ZSWIM6: variants seen among roughly 807,000 people sequenced by gnomAD.
ZSWIM6 encodes the protein zinc finger SWIM-type containing 6, also known as zinc finger SWIM domain-containing protein 6.
In ZSWIM6, 9 loss-of-function variants were observed where a neutral mutation model predicts 113.2. The ratio of observed to expected loss-of-function variants is 0.08; its 90% CI spans 0.05 to 0.14. The LOEUF (loss-of-function observed/expected upper bound fraction) is 0.14, where lower values mean the gene tolerates loss of function less well. ZSWIM6 is among the 10% of genes least tolerant of loss of function. The pLI is 1.00. For missense variants in ZSWIM6, 1,162 were observed against 1,552.2 expected (o/e 0.75, Z 4.22); for synonymous variants, 611 against 606.5 (o/e 1.01, Z -0.11).
In ZSWIM6 at chr5:61,543,844, C is replaced by T; in HGVS notation, c.3175C>T (p.Leu1059=). The T allele has an allele frequency of 6.4e-7, 1 of 1,551,932 alleles. No homozygotes were observed. Among genetic ancestry groups the T allele is most frequent in the Non-Finnish European group, 8.7e-7 (1 of 1,147,026 alleles). ...CACCCTGGCCATGACCCATCTCAAC[C>T]TGAGCTACAATCAGGACACACACCC... ...LATLAMTHLN[L]SYNQDTHPAI... Residue 1059 remains leucine (L), a synonymous_variant, in exon 14 of 14, where the codon CTG becomes TTG. Transcript: ENST00000252744. This position sits in a 1 kb window ranked among gnomAD's most constrained non-coding sequence, Gnocchi z 4.3.
Position 61,332,806 on chromosome 5 carries a change from C to CACCTCG in ZSWIM6, c.534_535insACCTCG (p.Ala178_Ala179insThrSer). 1.1e-6 allele frequency: 1 copy of CACCTCG among 921,196 alleles called. No homozygotes were observed. Among genetic ancestry groups the CACCTCG allele is most frequent in the Non-Finnish European group, 1.3e-6 (1 of 778,086 alleles). 57.1% of individuals were successfully genotyped at this position (921,196 alleles called of 1,614,324 possible). A position where few individuals can be genotyped will look rare whatever the true frequency, so the allele number is the denominator to read the frequency against. On this transcript the variant is annotated inframe_insertion, in exon 1 of 14. Coordinates refer to ENST00000252744, the MANE Select transcript of ZSWIM6 (RefSeq NM_020928.2). Reference sequence around the variant, plus strand: ...CCGCCGCCGCTGCCGCCGCCGCCGCCGCCGCCGCCGCCGCCGCGGGGGCCG... The same window carrying CACCTCG: ...CCGCCGCCGCTGCCGCCGCCGCCGCCACCTCGGCCGCCGCCGCCGCCGCGGGGGCCG...
chr5:61,462,555 C>A (rs1490532183), intron 1 of ZSWIM6, among the ~76,000 whole-genome samples: 7 of 152,158 alleles, frequency 4.6e-5, no homozygotes, highest in African/African-American at 1.7e-4. Context: ...AACAACAAAC[C>A]ATAGTCCATT....
chr5:61,404,921 A>T (rs1404573625), intron 1 of ZSWIM6, among the ~76,000 whole-genome samples: 4 of 152,156 alleles, frequency 2.6e-5, no homozygotes, highest in Non-Finnish European at 5.9e-5. Flanking sequence ...ATGCCCAGTT[A>T]GATTTGAGAA....
chr5:61,471,633 G>T (rs914209849), intron 1 of ZSWIM6, among the ~76,000 whole-genome samples: 2 of 152,210 alleles, frequency 1.3e-5, no homozygotes, highest in African/African-American at 4.8e-5. Flanking sequence ...AGTGGCATTA[G>T]ATTCTCATAG....
At chr5:61,513,276 C>A (rs13170519) in intron 4 of ZSWIM6, among the ~76,000 whole-genome samples, 1 of 151,858 alleles carries the variant, frequency 6.6e-6, no homozygotes, top group East Asian at 1.9e-4. Context: ...TAAGTTTCCT[C>A]TATGTGTTTT....
intron 1 of ZSWIM6, among the ~76,000 whole-genome samples, chr5:61,459,255 T>G (rs1747272600): frequency 6.6e-6 from 1 of 152,214 alleles, no homozygotes; most frequent in Non-Finnish European, 1.5e-5. Flanking sequence ...AAAGGAAAAT[T>G]GTAGTTAGAT....
At chr5:61,484,603 G>A (rs1747966638) in intron 2 of ZSWIM6, among the ~76,000 whole-genome samples, 1 of 152,190 alleles carries the variant, frequency 6.6e-6, no homozygotes, top group Non-Finnish European at 1.5e-5. Flanking sequence ...ATATGTGTCT[G>A]TAGAATCAAA....
intron 1 of ZSWIM6, among the ~76,000 whole-genome samples, chr5:61,428,487 C>T (rs1043211457): frequency 6.6e-6 from 1 of 152,050 alleles, no homozygotes; most frequent in Non-Finnish European, 1.5e-5. Flanking sequence ...ATCAGTCTCC[C>T]AAGTAGCTGG....
At chr5:61,469,876 T>G (rs1747527432) in intron 1 of ZSWIM6, among the ~76,000 whole-genome samples, 1 of 152,148 alleles carries the variant, frequency 6.6e-6, no homozygotes, top group African/African-American at 2.4e-5. Context: ...CCTGGCTGAT[T>G]TTTTGTATTT....
chr5:61,526,891 C>G (rs1371278135), intron 7 of ZSWIM6, among the ~76,000 whole-genome samples: 1 of 152,146 alleles, frequency 6.6e-6, no homozygotes, highest in Non-Finnish European at 1.5e-5. Context: ...GAAGATTAAA[C>G]CAAGTTAATT....
At chr5:61,499,146 TC>T (rs2112226871) in intron 4 of ZSWIM6, among the ~76,000 whole-genome samples, 1 of 152,308 alleles carries the variant, frequency 6.6e-6, no homozygotes, top group Non-Finnish European at 1.5e-5. Context: ...AAAAAGCAAT[TC>T]CAAGAGTTCC....
chr5:61,334,693 G>T (rs1744352526), intron 1 of ZSWIM6, among the ~76,000 whole-genome samples: 1 of 152,304 alleles, frequency 6.6e-6, no homozygotes, highest in Non-Finnish European at 1.5e-5. Flanking sequence ...TCTGTCTAGA[G>T]GGGGTTTAGC....
chr5:61,528,366 C>G (rs1749339805), intron 7 of ZSWIM6, among the ~76,000 whole-genome samples: 1 of 151,970 alleles, frequency 6.6e-6, no homozygotes. Flanking sequence ...TTTCCTTTAG[C>G]CCCATCCATA....
intron 1 of ZSWIM6, among the ~76,000 whole-genome samples, chr5:61,380,185 C>CT (rs1257079018): frequency 1.3e-5 from 2 of 152,196 alleles, no homozygotes; most frequent in East Asian, 3.8e-4. Context: ...AAGTGATTCT[C>CT]TTGCCTCAGC....
intron 1 of ZSWIM6, among the ~76,000 whole-genome samples, chr5:61,366,897 C>T (rs2112061819): frequency 6.8e-6 from 1 of 147,634 alleles, no homozygotes; most frequent in East Asian, 2.0e-4. Flanking sequence ...CACTGTACTC[C>T]AGCTTGGGTG....
chr5:61,361,646 A>C (rs1004994884), intron 1 of ZSWIM6, among the ~76,000 whole-genome samples: 4 of 152,310 alleles, frequency 2.6e-5, no homozygotes, highest in African/African-American at 9.6e-5. Context: ...GTTTCCAGGG[A>C]ACCCCCCTTA....
At chr5:61,346,108 C>T (rs1744653062) in intron 1 of ZSWIM6, among the ~76,000 whole-genome samples, 1 of 151,902 alleles carries the variant, frequency 6.6e-6, no homozygotes, top group Non-Finnish European at 1.5e-5. Context: ...CCACGCCCAG[C>T]TAATTTTTGT....
At chr5:61,510,501 C>CTT (rs35089164) in intron 4 of ZSWIM6, among the ~76,000 whole-genome samples, 45 of 147,290 alleles carry the variant, frequency 3.1e-4, no homozygotes, top group Middle Eastern at 3.4e-3. Context: ...GTGACGAATG[C>CTT]TTTTTTTTTT....
chr5:61,439,820 A>G (rs1746787380), intron 1 of ZSWIM6, among the ~76,000 whole-genome samples: 1 of 152,194 alleles, frequency 6.6e-6, no homozygotes, highest in Non-Finnish European at 1.5e-5. Flanking sequence ...TTCCAATTTA[A>G]AAAGACCTTT....
Sources: allele counts gnomAD v4.1 joint callset (sites outside exome capture counted in the v4.1 genomes callset), GRCh38; gene constraint gnomAD v4.1.1; non-coding constraint Gnocchi (gnomAD v3.1); transcripts MANE v1.5; gene names NCBI Gene and HGNC (gene_info 2026-07-23, HGNC 2026-07-21).